The following COL23A1 variants were observed in gnomAD, a reference collection of about 807,000 sequenced individuals.
The protein encoded by COL23A1 is collagen alpha-1(XXIII) chain.
In COL23A1, 97 loss-of-function variants were observed where a neutral mutation model predicts 99.3. That is an observed-to-expected ratio of 0.98 (90% CI 0.83 to 1.16). COL23A1 has a LOEUF of 1.16. Among genes scored for constraint, COL23A1 ranks in the 50% most tolerant of loss-of-function variants. COL23A1 has a pLI of 0.00. For missense variants in COL23A1, 762 were observed against 757.4 expected (o/e 1.01, Z -0.07); for synonymous variants, 320 against 308.2 (o/e 1.04, Z -0.40).
At chr5:178,355,813 T>C (rs1363197766) in intron 2 of COL23A1, among the ~76,000 whole-genome samples, 2 of 152,208 alleles carry the variant, frequency 1.3e-5, no homozygotes, top group African/African-American at 4.8e-5. Flanking sequence ...TGTGTTTAGC[T>C]GAATCCACAG....
intron 2 of COL23A1, among the ~76,000 whole-genome samples, chr5:178,317,513 G>A (rs1759043328): frequency 6.6e-6 from 1 of 152,190 alleles, no homozygotes; most frequent in Non-Finnish European, 1.5e-5. Context: ...TACGCCACTA[G>A]TCAAGATACA....
intron 1 of COL23A1, among the ~76,000 whole-genome samples, chr5:178,579,400 C>T (rs554068434): frequency 3.1e-4 from 47 of 152,310 alleles, no homozygotes; most frequent in Non-Finnish European, 5.7e-4. Context: ...GGAGGTCACA[C>T]AGCTGGAAAA....
intron 2 of COL23A1, among the ~76,000 whole-genome samples, chr5:178,360,508 C>A (rs1186115091): frequency 2.6e-5 from 4 of 152,244 alleles, no homozygotes; most frequent in Non-Finnish European, 5.9e-5. Flanking sequence ...TGCCTAGGGG[C>A]CTGCCCGGCA....
chr5:178,479,083 G>C (rs1198470026), intron 2 of COL23A1, among the ~76,000 whole-genome samples: 2 of 149,810 alleles, frequency 1.3e-5, no homozygotes, highest in Non-Finnish European at 3.0e-5. Flanking sequence ...CCTTCATCAG[G>C]ACACAAGGAT....
intron 2 of COL23A1, among the ~76,000 whole-genome samples, chr5:178,484,573 C>G (rs1757509752): frequency 6.6e-6 from 1 of 152,046 alleles, no homozygotes; most frequent in African/African-American, 2.4e-5. Context: ...CCTGTAATCC[C>G]AGCACTTTAG....
rs1764135047 is a variant in COL23A1, at chr5:178,589,032, G to A, written c.294+872C>T. Among the ~76,000 whole-genome samples, 4 of 152,150 alleles carry A rather than the reference G, an allele frequency of 2.6e-5. No individual in the cohort carries two copies. Among genetic ancestry groups the A allele is most frequent in the Admixed American group, 2.6e-4 (4 of 15,280 alleles). On this transcript the variant is annotated intron_variant, in intron 1 of 28. Coordinates refer to ENST00000390654, the MANE Select transcript of COL23A1 (RefSeq NM_173465.4). This position sits in a 1 kb window ranked among gnomAD's most constrained non-coding sequence, Gnocchi z 5.4. The stretch of plus-strand genomic sequence containing the variant: ...GTCCAGTTTCGTGGGGAGGGGAACT[G>A]CCGCACATGCCGCACACAAAAGGCG...
At chr5:178,249,987 A>ACACATGCACACG in intron 18 of COL23A1, 74 bp downstream of exon 18, 1 of 265,280 alleles carries the variant, frequency 3.8e-6, no homozygotes, top group Non-Finnish European at 5.5e-6. Context: ...ATGCACACGC[A>ACACATGCACACG]CACACACACA....
At chr5:178,240,263 C>T (rs1281059860) in intron 27 of COL23A1, among the ~76,000 whole-genome samples, 1 of 152,242 alleles carries the variant, frequency 6.6e-6, no homozygotes, top group African/African-American at 2.4e-5. Flanking sequence ...AGGAATGAGC[C>T]TCAGACACTG....
chr5:178,524,946 C>T (rs893780806), intron 2 of COL23A1, among the ~76,000 whole-genome samples: 1 of 152,232 alleles, frequency 6.6e-6, no homozygotes, highest in African/African-American at 2.4e-5. Flanking sequence ...ACCTAAACTG[C>T]GTAACTCTTT....
intron 2 of COL23A1, among the ~76,000 whole-genome samples, chr5:178,364,763 A>G (rs1762370673): frequency 6.6e-6 from 1 of 152,128 alleles, no homozygotes; most frequent in African/African-American, 2.4e-5. Flanking sequence ...AGGCACCTGG[A>G]TCTACAAAAA....
At chr5:178,335,673 G>A (rs2127652874) in intron 2 of COL23A1, among the ~76,000 whole-genome samples, 1 of 152,340 alleles carries the variant, frequency 6.6e-6, no homozygotes, top group Admixed American at 6.5e-5. Flanking sequence ...CCAAAAAGGA[G>A]TTTCTGCCTT....
chr5:178,276,006 T>A (rs967455541), intron 5 of COL23A1, among the ~76,000 whole-genome samples: 1 of 152,222 alleles, frequency 6.6e-6, no homozygotes, highest in Non-Finnish European at 1.5e-5. Context: ...CTCAGTGTAA[T>A]TGGCCTGGTA....
intron 2 of COL23A1, among the ~76,000 whole-genome samples, chr5:178,314,717 T>C (rs1009480085): frequency 6.6e-6 from 1 of 152,180 alleles, no homozygotes; most frequent in Non-Finnish European, 1.5e-5. Context: ...TCTACGGTAT[T>C]AACTCACATA....
chr5:178,397,719 T>C (rs563732247), intron 2 of COL23A1, among the ~76,000 whole-genome samples: 1 of 152,360 alleles, frequency 6.6e-6, no homozygotes, highest in South Asian at 2.1e-4. Context: ...CTGGGTGCAG[T>C]GGCTCATGCC....
At chr5:178,345,231 A>T (rs1760893671) in intron 2 of COL23A1, 2 of 855,470 alleles carry the variant, frequency 2.3e-6, no homozygotes, top group African/African-American at 1.7e-5. Flanking sequence ...CTTGATTTCT[A>T]TAATGTCCCT....
intron 1 of COL23A1, among the ~76,000 whole-genome samples, chr5:178,564,836 A>G (rs1390807772): frequency 6.6e-6 from 1 of 152,248 alleles, no homozygotes; most frequent in African/African-American, 2.4e-5. Flanking sequence ...ACAGATTGAC[A>G]TAGAAAAGAA....
At chr5:178,242,529 C>A (rs1764463714) in intron 25 of COL23A1, 135 bp from the exon 26 acceptor site, 1 of 834,198 alleles carries the variant, frequency 1.2e-6, no homozygotes. Flanking sequence ...GCTGGCCTAG[C>A]CCTAGCTGTA....
intron 25 of COL23A1, 32 bp downstream of exon 25, chr5:178,245,910 C>T (rs776119379): frequency 6.2e-7 from 1 of 1,613,264 alleles, no homozygotes; most frequent in African/African-American, 1.3e-5. Flanking sequence ...CAAGAGGCAC[C>T]CAATTACTCA....
chr5:178,378,912 A>C (rs1763225690), intron 2 of COL23A1, among the ~76,000 whole-genome samples: 1 of 152,122 alleles, frequency 6.6e-6, no homozygotes, highest in African/African-American at 2.4e-5. Flanking sequence ...TCTTATTTGG[A>C]ATCCCAAAAG....
Sources: allele counts gnomAD v4.1 joint callset (sites outside exome capture counted in the v4.1 genomes callset), GRCh38; gene constraint gnomAD v4.1.1; non-coding constraint Gnocchi (gnomAD v3.1); transcripts MANE v1.5; gene names NCBI Gene and HGNC (gene_info 2026-07-23, HGNC 2026-07-21).